The following AP3M1 variants were observed in gnomAD, a reference collection of about 807,000 sequenced individuals.
AP3M1 encodes the protein AP-3 complex subunit mu-1.
A neutral mutation model predicts 42.6 loss-of-function variants in AP3M1; 29 were observed. That is an observed-to-expected ratio of 0.68 (90% confidence interval 0.51 to 0.93). AP3M1 has a LOEUF of 0.93. Among genes scored for constraint, AP3M1 ranks in the 40% least tolerant of loss-of-function variants. The probability of loss-of-function intolerance (pLI) is 0.00; values close to 1 mark genes in which losing one functional copy is unlikely to be tolerated. For missense variants in AP3M1, 416 were observed against 510.2 expected (o/e 0.82, Z 1.78); for synonymous variants, 178 against 175.3 (o/e 1.02, Z -0.12).
intron 1 of AP3M1, among the ~76,000 whole-genome samples, chr10:74,140,067 C>T (rs1407349481): frequency 6.6e-6 from 1 of 152,164 alleles, no homozygotes; most frequent in African/African-American, 2.4e-5. Context: ...CCTCCCTGGC[C>T]AGGGTGCTTG....
intron 6 of AP3M1, among the ~76,000 whole-genome samples, chr10:74,128,470 C>T (rs1294850787): frequency 1.3e-5 from 2 of 151,958 alleles, no homozygotes; most frequent in African/African-American, 4.8e-5. Flanking sequence ...AACTCTTGAC[C>T]CCAAGTGATC....
chr10:74,133,923 G>T, intron 4 of AP3M1, 104 bp downstream of exon 4: 7 of 1,433,204 alleles, frequency 4.9e-6, no homozygotes, highest in Non-Finnish European at 5.7e-6. Context: ...AAAGGGCTGG[G>T]ATTACAGGCG....
Position 74,121,308 on chromosome 10 carries a change from T to G in AP3M1, c.*2502A>C, listed in dbSNP as rs1367956264. On this transcript the variant is annotated 3_prime_UTR_variant, in exon 9 of 9. Coordinates refer to ENST00000355264, the MANE Select transcript of AP3M1 (RefSeq NM_012095.6). ...TCCTAGGGTCCTTCTGTAGCACCAC[T>G]TAAGGAATGAACCTATCACAGGAAC... is the stretch of plus-strand genomic sequence containing the variant. 1 of 152,218 alleles carries G rather than the reference T, an allele frequency of 6.6e-6. No homozygotes were observed. The highest frequency in any genetic ancestry group is 1.9e-4 in the East Asian group (1 of 5,196). 9.4% of individuals were successfully genotyped at this position (152,218 alleles called of 1,614,324 possible).
In AP3M1 at chr10:74,121,051, A is replaced by ATATT. The variant is rs1491148178; in HGVS notation, c.*2755_*2758dup. 6.6e-6 allele frequency: 1 copy of ATATT among 152,116 alleles called. No homozygotes were observed. 9.4% of individuals were successfully genotyped at this position (152,116 alleles called of 1,614,324 possible). A position where few individuals can be genotyped will look rare whatever the true frequency, so the allele number is the denominator to read the frequency against. ...ATGTCATTAAAGGGTGATGATATTG[A>ATATT]TATTTAGTGTTGCCAACTGCTATTA... On this transcript the variant is annotated 3_prime_UTR_variant, in exon 9 of 9. Coordinates refer to ENST00000355264, the MANE Select transcript of AP3M1 (RefSeq NM_012095.6).
intron 6 of AP3M1, among the ~76,000 whole-genome samples, chr10:74,128,516 G>A (rs1298645836): frequency 2.0e-5 from 3 of 152,080 alleles, no homozygotes; most frequent in Non-Finnish European, 4.4e-5. Context: ...TGGGATTACA[G>A]GAGTGAACCA....
intron 6 of AP3M1, among the ~76,000 whole-genome samples, chr10:74,128,237 A>G (rs112069609): frequency 1.6e-3 from 241 of 148,864 alleles, no homozygotes; most frequent in Non-Finnish European, 2.8e-3. Context: ...CCGATCCCCA[A>G]TGCTAAATTT....
Position 74,136,817 on chromosome 10 carries a change from C to T in AP3M1, c.274-14G>A, listed in dbSNP as rs1840963059. Reference sequence around the variant, plus strand: ...ACCAAAGTAGTCCTGACAAAATACACACAAAATATCACACAATGGAAGGCA... The same window carrying T: ...ACCAAAGTAGTCCTGACAAAATACATACAAAATATCACACAATGGAAGGCA... On this transcript the variant is annotated splice_polypyrimidine_tract_variant and intron_variant, in intron 2 of 8. Coordinates refer to ENST00000355264, the MANE Select transcript of AP3M1 (RefSeq NM_012095.6). 2 of 1,465,160 alleles carry T rather than the reference C, an allele frequency of 1.4e-6. No individual in the cohort carries two copies. The highest frequency in any genetic ancestry group is 1.4e-5 in the African/African-American group (1 of 71,308). 90.8% of individuals were successfully genotyped at this position (1,465,160 alleles called of 1,614,324 possible). A position where few individuals can be genotyped will look rare whatever the true frequency, so the allele number is the denominator to read the frequency against.
chr10:74,129,256 G>T lies in AP3M1; in HGVS notation c.670-15C>A, dbSNP rs769136501. The T allele has an allele frequency of 1.9e-6, 3 of 1,613,006 alleles. No homozygotes were observed. In the African/African-American group the frequency reaches 4.0e-5, roughly 22 times the overall value. ...AGCCTAGGGTTCTGCCAGAAAAACA[G>T]AAGACAGTCGTTCATAGACTATAAT... On this transcript the variant is annotated splice_polypyrimidine_tract_variant and intron_variant, in intron 5 of 8. Coordinates refer to ENST00000355264, the MANE Select transcript of AP3M1 (RefSeq NM_012095.6).
chr10:74,132,021 A>C (rs943354847), intron 4 of AP3M1, among the ~76,000 whole-genome samples: 2 of 152,044 alleles, frequency 1.3e-5, no homozygotes, highest in East Asian at 3.9e-4. Flanking sequence ...AGGAAGGACT[A>C]GATTTTTTTT....
At chr10:74,139,744 C>T (rs1206911915) in intron 1 of AP3M1, among the ~76,000 whole-genome samples, 3 of 151,534 alleles carry the variant, frequency 2.0e-5, no homozygotes, top group African/African-American at 7.3e-5. Flanking sequence ...GGTGAAACCC[C>T]GTCCCTACTA....
At position 74,142,527 on chromosome 10, in the gene AP3M1, T is replaced by C. The variant is rs1013426564; in HGVS notation, c.-3-4145A>G. Among the ~76,000 whole-genome samples, 8 of 152,256 alleles carry C rather than the reference T, an allele frequency of 5.3e-5. No homozygotes were observed. In the East Asian group the frequency reaches 1.3e-3, roughly 26 times the overall value. ...AAGATATGTTTTAGTAATTATTGTA[T>C]TAATAAAGTATGAATACTGTTAACA... On this transcript the variant is annotated intron_variant, in intron 1 of 8. Transcript: ENST00000355264.
At chr10:74,133,924 A>G in intron 4 of AP3M1, 103 bp downstream of exon 4, 1 of 1,441,106 alleles carries the variant, frequency 6.9e-7, no homozygotes, top group Non-Finnish European at 9.4e-7. Context: ...AAGGGCTGGG[A>G]TTACAGGCGT....
At chr10:74,126,459 T>C in intron 6 of AP3M1, 104 bp from the exon 7 acceptor site, 2 of 798,028 alleles carry the variant, frequency 2.5e-6, no homozygotes, top group Non-Finnish European at 4.0e-6. Flanking sequence ...TATCCTACCC[T>C]GCCTTTAACT....
Position 74,123,093 on chromosome 10 carries a change from T to C in AP3M1, c.*717A>G, listed in dbSNP as rs1840515247. 1 of 152,694 alleles carries C rather than the reference T, an allele frequency of 6.5e-6. No individual in the cohort carries two copies. The highest frequency in any genetic ancestry group is 1.5e-5 in the Non-Finnish European group (1 of 68,050). 9.5% of individuals were successfully genotyped at this position (152,694 alleles called of 1,614,324 possible). ...CCTTTGATACAAATGATTTTTTTAC[T>C]GTGCTAACAGCTGAACCAGTGGCAC... is the stretch of plus-strand genomic sequence containing the variant. On this transcript the variant is annotated 3_prime_UTR_variant, in exon 9 of 9. Transcript: ENST00000355264.
intron 7 of AP3M1, among the ~76,000 whole-genome samples, chr10:74,125,672 C>T (rs1303055359): frequency 6.6e-6 from 1 of 152,122 alleles, no homozygotes; most frequent in African/African-American, 2.4e-5. Context: ...CCCTCTGTTA[C>T]ACAAAAATTT....
At chr10:74,146,894 CAG>C (rs1403961180) in intron 1 of AP3M1, among the ~76,000 whole-genome samples, 1 of 149,164 alleles carries the variant, frequency 6.7e-6, no homozygotes, top group African/African-American at 2.5e-5. Flanking sequence ...AAAAAAAAAA[CAG>C]GGTGGTTTTT....
intron 7 of AP3M1, among the ~76,000 whole-genome samples, chr10:74,125,103 C>T (rs1406371657): frequency 1.3e-5 from 2 of 152,178 alleles, no homozygotes; most frequent in Non-Finnish European, 2.9e-5. Context: ...GCCTCAGCCT[C>T]CCAAGCAGCT....
At chr10:74,123,974 G>A in intron 8 of AP3M1, 64 bp from the exon 9 acceptor site, 1 of 1,377,678 alleles carries the variant, frequency 7.3e-7, no homozygotes, top group Non-Finnish European at 1.0e-6. Flanking sequence ...TGTTAGCAAT[G>A]AGCGCTATAT....
intron 6 of AP3M1, 112 bp downstream of exon 6, chr10:74,128,996 G>T: frequency 1.5e-6 from 2 of 1,313,122 alleles, no homozygotes; most frequent in Non-Finnish European, 2.1e-6. Flanking sequence ...GGTGAGCTAT[G>T]GTTAAAGTGA....
Sources: gnomAD v4.1 joint callset for allele counts (sites outside exome capture counted in the v4.1 genomes callset) on GRCh38, gnomAD v4.1.1 for gene constraint, MANE v1.5 for transcripts, NCBI Gene and HGNC (gene_info 2026-07-23, HGNC 2026-07-21) for gene names.